The following GRM3 variants were observed in gnomAD, a reference collection of about 807,000 sequenced individuals.
GRM3 encodes the protein metabotropic glutamate receptor 3.
In GRM3, 26 loss-of-function variants were observed where a neutral mutation model predicts 70.5. The observed-to-expected ratio is 0.37, with a 90% CI of 0.27 to 0.51. The LOEUF (loss-of-function observed/expected upper bound fraction) is 0.51, where lower values mean the gene tolerates loss of function less well. Among genes scored for constraint, GRM3 ranks in the 20% least tolerant of loss-of-function variants. The pLI, the probability that GRM3 is intolerant of heterozygous loss-of-function variation, is 0.93. For missense variants in GRM3, 859 were observed against 1,123.8 expected (o/e 0.76, Z 3.37); for synonymous variants, 443 against 434.9 (o/e 1.02, Z -0.23).
At chr7:86,739,910 T>A (rs1196601775) in intron 1 of GRM3, among the ~76,000 whole-genome samples, 1 of 152,212 alleles carries the variant, frequency 6.6e-6, no homozygotes, top group Non-Finnish European at 1.5e-5. Context: ...TTCAGTTTCC[T>A]CATCTCTAAA....
chr7:86,832,244 C>T (rs1322779010), intron 3 of GRM3, among the ~76,000 whole-genome samples: 1 of 141,564 alleles, frequency 7.1e-6, no homozygotes, highest in East Asian at 2.0e-4. Flanking sequence ...CTGCTTGTAG[C>T]CTTTTTTTTT....
intron 1 of GRM3, among the ~76,000 whole-genome samples, chr7:86,763,717 G>A (rs1796534049): frequency 6.6e-6 from 1 of 152,116 alleles, no homozygotes; most frequent in Admixed American, 6.6e-5. Flanking sequence ...GACAAAATGA[G>A]GAGTTGCCTC....
intron 1 of GRM3, among the ~76,000 whole-genome samples, chr7:86,666,323 G>A (rs931543331): frequency 3.9e-5 from 6 of 152,114 alleles, no homozygotes; most frequent in African/African-American, 9.6e-5. Context: ...ACTTCAAGAA[G>A]CCATGTTGCC....
chr7:86,805,395 T>A (rs1797769017), intron 3 of GRM3, among the ~76,000 whole-genome samples: 1 of 152,170 alleles, frequency 6.6e-6, no homozygotes, highest in South Asian at 2.1e-4. Context: ...AACATCCCAA[T>A]CAGTGTGGTG....
At chr7:86,788,892 T>C (rs558250724) in intron 3 of GRM3, among the ~76,000 whole-genome samples, 81 of 152,348 alleles carry the variant, frequency 5.3e-4, no homozygotes, top group African/African-American at 1.9e-3. Flanking sequence ...TACAAATATA[T>C]TCACTCATCA....
chr7:86,647,056 TG>T (rs1261486212), intron 1 of GRM3, among the ~76,000 whole-genome samples: 1 of 152,220 alleles, frequency 6.6e-6, no homozygotes, highest in Admixed American at 6.5e-5. Context: ...ATGTTTAAGT[TG>T]AAATTAATAT....
chr7:86,798,640 G>C (rs1797612472), intron 3 of GRM3, among the ~76,000 whole-genome samples: 1 of 152,206 alleles, frequency 6.6e-6, no homozygotes, highest in Non-Finnish European at 1.5e-5. Context: ...GGACTTTTGA[G>C]TTAATGCTGA....
At chr7:86,730,575 A>C (rs1168253459) in intron 1 of GRM3, among the ~76,000 whole-genome samples, 1 of 152,236 alleles carries the variant, frequency 6.6e-6, no homozygotes, top group African/African-American at 2.4e-5. Flanking sequence ...GTGCAAGTTC[A>C]TAAGGAAAAG....
Position 86,699,614 on chromosome 7 carries a change from G to T in GRM3, c.-141+54742G>T, listed in dbSNP as rs564781320. On this transcript the variant is annotated intron_variant, in intron 1 of 5. Coordinates refer to ENST00000361669, the MANE Select transcript of GRM3 (RefSeq NM_000840.3). ...AATATTCTTTGGTTTTCCACATTTT[G>T]AACATGTCTTATTTATTCAATCACA... Among the ~76,000 whole-genome samples, 6 of 152,070 alleles carry T rather than the reference G, an allele frequency of 3.9e-5. No individual in the cohort carries two copies. The South Asian group carries it at 1.2e-3, about 32-fold the overall frequency.
intron 1 of GRM3, among the ~76,000 whole-genome samples, chr7:86,761,319 G>A (rs991720241): frequency 1.3e-5 from 2 of 152,038 alleles, no homozygotes; most frequent in South Asian, 4.1e-4. Context: ...AGTAAATGTA[G>A]GTCAGTTCAG....
At chr7:86,702,707 C>T (rs1794970521) in intron 1 of GRM3, among the ~76,000 whole-genome samples, 1 of 151,888 alleles carries the variant, frequency 6.6e-6, no homozygotes, top group Non-Finnish European at 1.5e-5. Context: ...CTTCAGTTTA[C>T]CTCATTTTTC....
intron 3 of GRM3, among the ~76,000 whole-genome samples, chr7:86,797,967 T>C (rs1160140008): frequency 6.6e-6 from 1 of 152,142 alleles, no homozygotes; most frequent in Non-Finnish European, 1.5e-5. Context: ...CAAGCCTTGG[T>C]GACTTACACA....
chr7:86,753,813 C>A (rs925662979), intron 1 of GRM3, among the ~76,000 whole-genome samples: 3 of 152,042 alleles, frequency 2.0e-5, no homozygotes, highest in Non-Finnish European at 4.4e-5. Context: ...AAATATTTAA[C>A]AATCAAATCT....
At position 86,766,692 on chromosome 7, in the gene GRM3, GTTTAGTAT is replaced by G. The variant is rs1038559188; in HGVS notation, c.468+1083_468+1090del. Among the ~76,000 whole-genome samples, 4 of 152,098 alleles carry G rather than the reference GTTTAGTAT, an allele frequency of 2.6e-5. No homozygotes were observed. In the East Asian group the frequency reaches 5.8e-4, roughly 22 times the overall value. On this transcript the variant is annotated intron_variant, in intron 2 of 5. Transcript: ENST00000361669. ...ATGTGATATTTATATGTTACTTTAA[GTTTAGTAT>G]TTTTTCTGATTAGAGCATTAATGTC...
intron 1 of GRM3, among the ~76,000 whole-genome samples, chr7:86,646,874 C>T (rs1223960808): frequency 1.3e-5 from 2 of 152,070 alleles, no homozygotes; most frequent in Non-Finnish European, 2.9e-5. Context: ...CTTATTTTTG[C>T]ACAATGGGCT....
chr7:86,753,728 A>G (rs950586463), intron 1 of GRM3, among the ~76,000 whole-genome samples: 2 of 152,120 alleles, frequency 1.3e-5, no homozygotes, highest in Non-Finnish European at 2.9e-5. Flanking sequence ...TGCCTTCCCA[A>G]TCAATTTCTA....
Position 86,644,790 on chromosome 7 carries a change from T to C in GRM3, c.-223T>C, listed in dbSNP as rs1028740673. 9.3e-6 allele frequency: 12 copies of C among 1,289,140 alleles called. No individual in the cohort carries two copies. The highest frequency in any genetic ancestry group is 1.5e-5 in the African/African-American group (1 of 65,864). 79.9% of individuals were successfully genotyped at this position (1,289,140 alleles called of 1,614,324 possible). A position where few individuals can be genotyped will look rare whatever the true frequency, so the allele number is the denominator to read the frequency against. On this transcript the variant is annotated 5_prime_UTR_variant, in exon 1 of 6. The change abolishes an upstream ATG in the 5' untranslated region. Transcript: ENST00000361669. ...TGTGTCGGATGAGGAGGACCAACCA[T>C]GAGCCAGAGCCCGGGTGCAGGCTCA...
chr7:86,818,555 T>C (rs1430654161), intron 3 of GRM3, among the ~76,000 whole-genome samples: 1 of 152,094 alleles, frequency 6.6e-6, no homozygotes, highest in African/African-American at 2.4e-5. Flanking sequence ...AATGAGATGA[T>C]GTATGTAAAG....
At chr7:86,661,188 C>T (rs187889036) in intron 1 of GRM3, among the ~76,000 whole-genome samples, 2 of 152,092 alleles carry the variant, frequency 1.3e-5, no homozygotes, top group East Asian at 3.9e-4. Context: ...GAACAAAGTA[C>T]TCTTTCTATT....
Sources: gnomAD v4.1 joint callset for allele counts (sites outside exome capture counted in the v4.1 genomes callset) on GRCh38, gnomAD v4.1.1 for gene constraint, MANE v1.5 for transcripts, NCBI Gene and HGNC (gene_info 2026-07-23, HGNC 2026-07-21) for gene names.